Variants in RBBP8 observed in about 807,000 individuals in gnomAD.
RBBP8 encodes the protein RB binding protein 8, endonuclease, also known as DNA endonuclease RBBP8.
A neutral mutation model predicts 108.3 loss-of-function variants in RBBP8; 88 were observed. That is an observed-to-expected ratio of 0.81 (90% CI 0.68 to 0.97). The LOEUF is 0.97. Among genes scored for constraint, RBBP8 ranks in the 50% least tolerant of loss-of-function variants. RBBP8 has a pLI of 0.00. For missense variants in RBBP8, 1,023 were observed against 1,049.0 expected, an observed-to-expected ratio of 0.98 and a Z score of 0.34; for synonymous variants, 332 against 348.2, an observed-to-expected ratio of 0.95 and a Z score of 0.52.
At position 22,984,912 on chromosome 18, in the gene RBBP8, A is replaced by G. The variant is rs200894211; in HGVS notation, c.631A>G (p.Thr211Ala). The G allele has an allele frequency of 7.4e-5, 119 of 1,608,598 alleles. No homozygotes were observed. Among genetic ancestry groups the G allele is most frequent in the East Asian group, 1.1e-4 (5 of 44,608 alleles). ...NEMRKVSKSS[T>A]HPQHNPNENE... ...AATGAGAAAAGTTTCCAAGTCTTCAACTCATCCACAACATAATCCTAATGA... is the reference window on the plus strand; with the variant it reads ...AATGAGAAAAGTTTCCAAGTCTTCAGCTCATCCACAACATAATCCTAATGA... The change falls in exon 8 of 19, where the codon ACT becomes GCT. Residue 211 changes from threonine to alanine, a missense_variant. Transcript: ENST00000327155.
At chr18:22,916,430 G>A (rs1212103740) in intron 2 of RBBP8, among the ~76,000 whole-genome samples, 1 of 151,812 alleles carries the variant, frequency 6.6e-6, no homozygotes, top group African/African-American at 2.4e-5. Context: ...TATAATCTAA[G>A]GGTAGATCTG....
upstream of RBBP8, among the ~76,000 whole-genome samples, chr18:22,930,936 T>C (rs1442240878): frequency 6.6e-6 from 1 of 152,024 alleles, no homozygotes; most frequent in Non-Finnish European, 1.5e-5. Context: ...TGTGTCCAGC[T>C]ATTTTGGTTT....
rs1797541622 is a variant in RBBP8 at position 22,984,902 on chromosome 18, C to T, written c.621C>T (p.Ser207=). The change falls in exon 8 of 19, where the codon TCC becomes TCT. Residue 207 remains serine (S), a synonymous_variant. Transcript: ENST00000327155. ...SVCANEMRKV[S]KSSTHPQHNP... ...TCCCCTTAGAAATGAGAAAAGTTTC[C>T]AAGTCTTCAACTCATCCACAACATA... is the stretch of plus-strand genomic sequence containing the variant. 1 of 1,603,316 alleles carries T rather than the reference C, an allele frequency of 6.2e-7. No individual in the cohort carries two copies. Among genetic ancestry groups the T allele is most frequent in the Admixed American group, 1.7e-5 (1 of 59,780 alleles).
intron 5 of RBBP8, among the ~76,000 whole-genome samples, chr18:22,971,921 C>A (rs8097106): frequency 0.94 from 143,028 of 151,470 alleles, 67,775 homozygotes; most frequent in Non-Finnish European, 0.98. Context: ...CTGGGATTAC[C>A]GTTGTGAGCC....
intron 16 of RBBP8, among the ~76,000 whole-genome samples, chr18:23,014,337 A>G (rs1329396842): frequency 6.6e-6 from 1 of 152,210 alleles, no homozygotes; most frequent in East Asian, 1.9e-4. Flanking sequence ...TATCCCTGCC[A>G]TTGATTCCTG....
chr18:22,928,567 T>A (rs562502325), upstream of RBBP8, among the ~76,000 whole-genome samples: 3 of 152,238 alleles, frequency 2.0e-5, no homozygotes, highest in South Asian at 2.1e-4. Flanking sequence ...CAGTTTCCTG[T>A]TGAAAGAGGG....
chr18:22,954,656 C>T (rs1358648756), intron 4 of RBBP8, among the ~76,000 whole-genome samples: 1 of 152,110 alleles, frequency 6.6e-6, no homozygotes, highest in Non-Finnish European at 1.5e-5. Context: ...GGATGATGGC[C>T]GTCTTATTAC....
chr18:23,016,432 T>A (rs937558025), intron 16 of RBBP8, among the ~76,000 whole-genome samples: 1 of 152,052 alleles, frequency 6.6e-6, no homozygotes, highest in African/African-American at 2.4e-5. Flanking sequence ...TAATCCCAGC[T>A]ACGCAGAAGG....
At chr18:22,928,258 G>T (rs1909867189) in intron 3 of RBBP8, among the ~76,000 whole-genome samples, 6 of 151,202 alleles carry the variant, frequency 4.0e-5, no homozygotes, top group Admixed American at 4.0e-4. Context: ...CTGACATCAA[G>T]GAGCCCAGCT....
upstream of RBBP8, among the ~76,000 whole-genome samples, chr18:22,930,958 T>C (rs945934259): frequency 2.0e-5 from 3 of 151,968 alleles, no homozygotes; most frequent in Admixed American, 6.6e-5. Context: ...ATTTTTAGAA[T>C]AGGAGACAAG....
intron 16 of RBBP8, among the ~76,000 whole-genome samples, chr18:23,011,829 C>T (rs2046168711): frequency 6.6e-6 from 1 of 152,074 alleles, no homozygotes; most frequent in Admixed American, 6.6e-5. Context: ...TGTGTTCTGG[C>T]TGCTCCACCA....
At chr18:22,988,632 T>A (rs573508625) in intron 8 of RBBP8, among the ~76,000 whole-genome samples, 9 of 152,228 alleles carry the variant, frequency 5.9e-5, no homozygotes, top group Non-Finnish European at 1.3e-4. Context: ...TATCACATTC[T>A]ATTGCAGTTC....
chr18:22,985,650 C>A (rs1047858013), intron 8 of RBBP8, among the ~76,000 whole-genome samples: 1 of 151,708 alleles, frequency 6.6e-6, no homozygotes, highest in Admixed American at 6.6e-5. Flanking sequence ...GACTGGGAGC[C>A]GCAGGTGTAT....
In RBBP8 at chr18:22,993,598, C is replaced by T. The variant is rs370311825; in HGVS notation, c.1771C>T (p.Arg591Cys). 56 of 1,614,164 alleles carry T rather than the reference C, an allele frequency of 3.5e-5. 2 individuals are homozygous for T. The highest frequency in any genetic ancestry group is 6.7e-5 in the East Asian group (3 of 44,876). ...NAVFKIPLRP[R>C]ESLETENVLD... ...TGTCTTTAAAATTCCTCTACGTCCA[C>T]GTGAAAGTTTGGAGACTGAGAATGT... The change falls in exon 11 of 19, where the codon CGT becomes TGT. Residue 591 changes from arginine to cysteine, a missense_variant. Coordinates refer to ENST00000327155, the MANE Select transcript of RBBP8 (RefSeq NM_002894.3).
At chr18:22,926,745 A>C (rs923552505) in intron 3 of RBBP8, among the ~76,000 whole-genome samples, 1 of 152,208 alleles carries the variant, frequency 6.6e-6, no homozygotes, top group African/African-American at 2.4e-5. Context: ...TCCTTATCTA[A>C]ACTGGAAATT....
chr18:22,953,470 A>C lies in RBBP8; in HGVS notation c.248+3757A>C, dbSNP rs370954554. ...ACATTTTCATTATGTTTTTCTTGAAACATTGGCTTAATACAATTGGCTCTC... is the reference window on the plus strand; with the variant it reads ...ACATTTTCATTATGTTTTTCTTGAACCATTGGCTTAATACAATTGGCTCTC... On this transcript the variant is annotated intron_variant, in intron 4 of 18. Coordinates refer to ENST00000327155, the MANE Select transcript of RBBP8 (RefSeq NM_002894.3). Among the ~76,000 whole-genome samples the C allele has an allele frequency of 2.0e-5, 3 of 152,220 alleles. No homozygotes were observed. The South Asian group carries it at 6.2e-4, about 31-fold the overall frequency.
chr18:22,938,388 A>G (rs55943912), intron 2 of RBBP8, among the ~76,000 whole-genome samples: 26,969 of 150,402 alleles, frequency 0.18, 3,089 homozygotes, highest in East Asian at 0.41. Flanking sequence ...GGGTTTCGCT[A>G]TGTTGCCCAG....
At chr18:22,933,235 G>C (rs1598627771), upstream of RBBP8, 1 of 152,340 alleles carries the variant, frequency 6.6e-6, no homozygotes, top group East Asian at 1.9e-4. Flanking sequence ...TCCGGGATGG[G>C]CCGCACCGAA....
intron 15 of RBBP8, among the ~76,000 whole-genome samples, chr18:23,002,319 A>G (rs916066605): frequency 5.9e-5 from 9 of 152,170 alleles, no homozygotes; most frequent in Non-Finnish European, 1.3e-4. Context: ...GAGCGAGAAG[A>G]TCGCTTGAAC....
Sources: gnomAD v4.1 joint callset for allele counts (sites outside exome capture counted in the v4.1 genomes callset) on GRCh38, gnomAD v4.1.1 for gene constraint, MANE v1.5 for transcripts, NCBI Gene and HGNC (gene_info 2026-07-23, HGNC 2026-07-21) for gene names.